The following ROBO2 variants were observed in gnomAD, a reference collection of about 807,000 sequenced individuals.
ROBO2 encodes roundabout homolog 2.
ROBO2 carries 53 observed loss-of-function variants against 160.8 expected under a neutral mutation model. That is an observed-to-expected ratio of 0.33 (90% CI 0.26 to 0.41). The LOEUF (loss-of-function observed/expected upper bound fraction) is 0.41. Among genes scored for constraint, ROBO2 ranks in the 10% least tolerant of loss-of-function variants. ROBO2 has a pLI of 1.00. For missense variants in ROBO2, 1,577 were observed against 1,722.4 expected (o/e 0.92, Z 1.49); for synonymous variants, 664 against 611.7 (o/e 1.09, Z -1.26).
At chr3:77,422,316 C>G (rs1007364452) in intron 2 of ROBO2, among the ~76,000 whole-genome samples, 1 of 152,128 alleles carries the variant, frequency 6.6e-6, no homozygotes, top group African/African-American at 2.4e-5. Context: ...TCCAGGGAAT[C>G]TTGCTTAGAA....
chr3:77,235,337 A>G (rs1320682148), intron 2 of ROBO2, among the ~76,000 whole-genome samples: 31 of 151,774 alleles, frequency 2.0e-4, no homozygotes, highest in Admixed American at 2.0e-3. Flanking sequence ...TATGCATTCT[A>G]TAATATGAGA....
chr3:77,649,354 C>T (rs2095433704), exon 26 of ROBO2: 1 of 152,082 alleles, frequency 6.6e-6, no homozygotes, highest in African/African-American at 2.4e-5. Context: ...GATGGAACAC[C>T]TCTCAATTTC....
chr3:76,014,010 T>C (rs1052220337), intron 2 of ROBO2, among the ~76,000 whole-genome samples: 5 of 149,366 alleles, frequency 3.3e-5, no homozygotes, highest in African/African-American at 1.2e-4. Context: ...TGGTGGTTTA[T>C]GCGTGTAATC....
chr3:77,482,835 G>T (rs1254993713), intron 4 of ROBO2, among the ~76,000 whole-genome samples: 1 of 151,422 alleles, frequency 6.6e-6, no homozygotes, highest in Admixed American at 6.6e-5. Flanking sequence ...CTATTTTTCT[G>T]TAACTACCAC....
intron 2 of ROBO2, among the ~76,000 whole-genome samples, chr3:77,201,372 CA>C (rs1230790180): frequency 1.3e-5 from 2 of 152,172 alleles, no homozygotes; most frequent in Non-Finnish European, 2.9e-5. Context: ...CAGAAAGCAG[CA>C]AACTCCATTG....
intron 2 of ROBO2, among the ~76,000 whole-genome samples, chr3:76,980,627 T>A (rs2149325055): frequency 6.6e-6 from 1 of 152,334 alleles, no homozygotes; most frequent in Non-Finnish European, 1.5e-5. Context: ...TGGGTTTAAC[T>A]TTATTATTAA....
At chr3:77,527,683 T>C (rs1159326021) in intron 6 of ROBO2, among the ~76,000 whole-genome samples, 2 of 151,544 alleles carry the variant, frequency 1.3e-5, no homozygotes, top group African/African-American at 2.4e-5. Context: ...CTAGCTTTTC[T>C]TATAGGAGAA....
chr3:77,630,098 G>A (rs959689685), intron 23 of ROBO2: 1 of 152,168 alleles, frequency 6.6e-6, no homozygotes, highest in Non-Finnish European at 1.5e-5. Flanking sequence ...AGACTTTAAA[G>A]TTTGTCAGTG....
intron 2 of ROBO2, among the ~76,000 whole-genome samples, chr3:76,245,223 G>A (rs1215059170): frequency 1.3e-5 from 2 of 152,156 alleles, no homozygotes; most frequent in Non-Finnish European, 2.9e-5. Flanking sequence ...ATAAGTATTT[G>A]TAATGCTTCA....
At chr3:77,212,353 C>A (rs913680983) in intron 2 of ROBO2, among the ~76,000 whole-genome samples, 73 of 152,240 alleles carry the variant, frequency 4.8e-4, no homozygotes, top group Non-Finnish European at 7.8e-4. Flanking sequence ...AATGGGAGTT[C>A]ACTCATGATT....
chr3:75,970,508 A>G (rs144138523), intron 2 of ROBO2, among the ~76,000 whole-genome samples: 2 of 151,680 alleles, frequency 1.3e-5, no homozygotes, highest in Admixed American at 1.3e-4. Flanking sequence ...AAATGTTCTA[A>G]ACAGTATGTA....
chr3:76,346,967 A>T (rs1367116423), intron 2 of ROBO2, among the ~76,000 whole-genome samples: 1 of 152,176 alleles, frequency 6.6e-6, no homozygotes, highest in Non-Finnish European at 1.5e-5. Flanking sequence ...ATATAAGCAC[A>T]GCTTGAAGAA....
intron 2 of ROBO2, among the ~76,000 whole-genome samples, chr3:76,777,021 A>G (rs1010323942): frequency 2.6e-4 from 40 of 151,182 alleles, no homozygotes; most frequent in Non-Finnish European, 5.2e-4. Context: ...CCACACTAGC[A>G]TTCCTTTGGT....
At chr3:77,261,139 C>T (rs2058747332) in intron 2 of ROBO2, among the ~76,000 whole-genome samples, 1 of 152,116 alleles carries the variant, frequency 6.6e-6, no homozygotes, top group South Asian at 2.1e-4. Flanking sequence ...TGGACTTCTG[C>T]CTCTGAGTTC....
rs1201494336 is a variant in ROBO2, at chr3:76,567,756, T to TA, written c.110-530257dup. On this transcript the variant is annotated intron_variant, in intron 2 of 26. Coordinates refer to the ROBO2 transcript ENST00000487694. ...ATATATACTGTTTTATATATATATATATCTGTCTGTGTGTGTGTGTGTGTG... is the reference window on the plus strand; with the variant it reads ...ATATATACTGTTTTATATATATATATAATCTGTCTGTGTGTGTGTGTGTGTG... Among the ~76,000 whole-genome samples, 30 of 114,072 alleles carry TA rather than the reference T, an allele frequency of 2.6e-4. 1 individual carries two copies. The South Asian group carries it at 3.4e-3, about 13-fold the overall frequency. The allele number at this position is 114,072 out of a possible 152,430, so 74.8% of individuals were successfully genotyped here. A position where few individuals can be genotyped will look rare whatever the true frequency, so the allele number is the denominator to read the frequency against.
intron 2 of ROBO2, among the ~76,000 whole-genome samples, chr3:76,915,683 A>AG (rs1053355509): frequency 4.6e-5 from 7 of 151,534 alleles, no homozygotes; most frequent in South Asian, 2.1e-4. Flanking sequence ...AAAAAAAAAA[A>AG]AAAAGAAAAA....
intron 2 of ROBO2, among the ~76,000 whole-genome samples, chr3:76,651,530 G>A (rs2091257402): frequency 6.6e-6 from 1 of 151,808 alleles, no homozygotes; most frequent in Admixed American, 6.6e-5. Context: ...TGCATTAAAT[G>A]AGAGAGATGA....
At chr3:75,936,261 C>G (rs1156432398) in intron 1 of ROBO2, among the ~76,000 whole-genome samples, 1 of 152,156 alleles carries the variant, frequency 6.6e-6, no homozygotes, top group African/African-American at 2.4e-5. Flanking sequence ...AAATCTTCCC[C>G]TTTCATGATG....
chr3:77,309,554 A>C (rs2063369579), intron 2 of ROBO2, among the ~76,000 whole-genome samples: 1 of 152,240 alleles, frequency 6.6e-6, no homozygotes, highest in Non-Finnish European at 1.5e-5. Context: ...TAGGGTTGCC[A>C]AGTTTAGTAC....
Sources: allele counts gnomAD v4.1 joint callset (sites outside exome capture counted in the v4.1 genomes callset), GRCh38; gene constraint gnomAD v4.1.1; transcripts MANE v1.5; gene names NCBI Gene and HGNC (gene_info 2026-07-23, HGNC 2026-07-21).